Variants in AKAP6 observed in about 807,000 individuals in gnomAD.
AKAP6 encodes A-kinase anchor protein 6.
Under a neutral mutation model 188.5 loss-of-function variants are expected in AKAP6, and 58 were observed. That is an observed-to-expected ratio of 0.31 (90% CI 0.25 to 0.38). AKAP6 has a LOEUF of 0.38. AKAP6 is among the 10% of genes least tolerant of loss of function. The pLI is 1.00. For synonymous variants in AKAP6, 989 were observed against 998.6 expected (o/e 0.99, Z 0.18); for missense variants, 2,710 against 2,740.0 (o/e 0.99, Z 0.24).
intron 7 of AKAP6, among the ~76,000 whole-genome samples, chr14:32,617,385 T>C (rs1435561551): frequency 2.0e-5 from 3 of 152,106 alleles, no homozygotes; most frequent in Non-Finnish European, 4.4e-5. Context: ...TTTTATCAAT[T>C]CCCACAGCAT....
intron 1 of AKAP6, among the ~76,000 whole-genome samples, chr14:32,335,088 C>A (rs1886648506): frequency 6.6e-6 from 1 of 152,116 alleles, no homozygotes; most frequent in African/African-American, 2.4e-5. Flanking sequence ...GTGGTTAGGA[C>A]TGCAGGTGCA....
chr14:32,581,824 T>C (rs1884980938), intron 5 of AKAP6, among the ~76,000 whole-genome samples: 1 of 152,096 alleles, frequency 6.6e-6, no homozygotes, highest in Non-Finnish European at 1.5e-5. Flanking sequence ...AATCCCTGCC[T>C]TTTTTTGTTT....
intron 12 of AKAP6, among the ~76,000 whole-genome samples, chr14:32,787,223 G>C (rs1006927472): frequency 6.6e-6 from 1 of 151,916 alleles, no homozygotes; most frequent in South Asian, 2.1e-4. Flanking sequence ...ATGAAAGAAA[G>C]GGGGGGAACC....
chr14:32,821,962 C>G lies in AKAP6; in HGVS notation c.4149C>G (p.Leu1383=), dbSNP rs764558269. The stretch of plus-strand genomic sequence containing the variant: ...CTACCAACTCTGAAATGTGCTTGCT[C>G]AATGCAGTGGATGGGTCCCCAAGTA... ...ETTTNSEMCL[L]NAVDGSPSNL... The change falls in exon 13 of 14, where the codon CTC becomes CTG. Residue 1383 remains leucine, a synonymous_variant. Transcript: ENST00000280979. 1.2e-5 allele frequency: 19 copies of G among 1,613,824 alleles called. No individual in the cohort carries two copies. The Admixed American group carries it at 1.7e-4, about 14-fold the overall frequency.
chr14:32,333,758 T>C (rs893346586), intron 1 of AKAP6, among the ~76,000 whole-genome samples: 11 of 152,120 alleles, frequency 7.2e-5, no homozygotes, highest in Admixed American at 6.6e-4. Context: ...TTATAATCAG[T>C]CAAATAGTGC....
At chr14:32,442,500 A>G (rs542261826) in intron 2 of AKAP6, 1 of 152,196 alleles carries the variant, frequency 6.6e-6, no homozygotes, top group Admixed American at 6.5e-5. Context: ...GCAGAAGACC[A>G]TCTGGTTGCC....
chr14:32,527,717 CT>C (rs1261735125), intron 2 of AKAP6, among the ~76,000 whole-genome samples: 1 of 152,132 alleles, frequency 6.6e-6, no homozygotes, highest in African/African-American at 2.4e-5. Context: ...ATGGAACCAT[CT>C]TTTCATATTC....
At position 32,821,768 on chromosome 14, in the gene AKAP6, G is replaced by A. The variant is rs1279960916; in HGVS notation, c.3955G>A (p.Val1319Ile). 6.2e-7 allele frequency: 1 copy of A among 1,613,740 alleles called. No homozygotes were observed. Among genetic ancestry groups the A allele is most frequent in the Admixed American group, 1.7e-5 (1 of 59,908 alleles). Reference protein sequence around the residue: ...PKVTGMTQPNVLTKSLSKDSS... With the variant: ...PKVTGMTQPNILTKSLSKDSS... ...GGTCACTGGCATGACACAGCCTAATGTTTTAACTAAGAGTCTCAGTAAAGA... is the reference window on the plus strand; with the variant it reads ...GGTCACTGGCATGACACAGCCTAATATTTTAACTAAGAGTCTCAGTAAAGA... Residue 1319 changes from valine (V) to isoleucine (I), a missense_variant, in exon 13 of 14, where the codon GTT (valine) becomes ATT (isoleucine). Transcript: ENST00000280979.
chr14:32,443,748 G>A (rs576554894), intron 2 of AKAP6, among the ~76,000 whole-genome samples: 3 of 152,170 alleles, frequency 2.0e-5, no homozygotes, highest in South Asian at 2.1e-4. Context: ...GTCAGTATAC[G>A]CAAAGGGAAG....
chr14:32,429,113 C>T (rs769703275), intron 1 of AKAP6, among the ~76,000 whole-genome samples: 37 of 152,132 alleles, frequency 2.4e-4, no homozygotes, highest in Non-Finnish European at 4.0e-4. Context: ...CCTTTCACAC[C>T]GTCTTGGAGC....
Position 32,545,629 on chromosome 14 carries a change from T to G in AKAP6, c.976T>G (p.Ser326Ala), listed in dbSNP as rs148076643. 3.1e-6 allele frequency: 5 copies of G among 1,614,046 alleles called. No individual in the cohort carries two copies. The African/African-American group carries it at 6.7e-5, about 22-fold the overall frequency. Residue 326 changes from serine (S) to alanine (A), a missense_variant, in exon 4 of 14, where the codon TCA becomes GCA. By Grantham distance (99) the Ser-to-Ala change is moderately conservative. Coordinates refer to ENST00000280979, the MANE Select transcript of AKAP6 (RefSeq NM_004274.5). ...GCAACCAGGCTTAACACTGGGGGTGTCATCATCTTCAGGAGAAGCTCTGAC... is the reference window on the plus strand; with the variant it reads ...GCAACCAGGCTTAACACTGGGGGTGGCATCATCTTCAGGAGAAGCTCTGAC... Reference protein sequence around the residue: ...EEQPGLTLGVSSSSGEALTNA... With the variant: ...EEQPGLTLGVASSSGEALTNA...
intron 2 of AKAP6, among the ~76,000 whole-genome samples, chr14:32,457,277 A>C (rs1309567847): frequency 1.3e-5 from 2 of 152,158 alleles, no homozygotes; most frequent in African/African-American, 4.8e-5. Flanking sequence ...ATCAAGTGGG[A>C]AAGGGGGAAA....
intron 5 of AKAP6, among the ~76,000 whole-genome samples, chr14:32,596,517 A>G (rs1370085919): frequency 3.3e-5 from 5 of 152,138 alleles, no homozygotes; most frequent in African/African-American, 4.8e-5. Flanking sequence ...ATCCTTTTCT[A>G]GTCATTCATC....
intron 1 of AKAP6, among the ~76,000 whole-genome samples, chr14:32,335,157 G>A (rs1594512950): frequency 6.6e-6 from 1 of 152,082 alleles, no homozygotes; most frequent in East Asian, 1.9e-4. Flanking sequence ...GCTAATACAT[G>A]AGCTAAACCT....
intron 7 of AKAP6, among the ~76,000 whole-genome samples, chr14:32,676,451 T>C (rs1889430260): frequency 6.6e-6 from 1 of 152,156 alleles, no homozygotes; most frequent in African/African-American, 2.4e-5. Flanking sequence ...GCATACCTCC[T>C]CTTCCACATC....
intron 7 of AKAP6, among the ~76,000 whole-genome samples, chr14:32,657,346 G>A (rs887138701): frequency 2.0e-5 from 3 of 152,088 alleles, no homozygotes; most frequent in African/African-American, 4.8e-5. Flanking sequence ...CGCAACCCTC[G>A]GTAGAGTCAA....
At chr14:32,715,384 G>A (rs1266908582) in intron 9 of AKAP6, among the ~76,000 whole-genome samples, 1 of 151,950 alleles carries the variant, frequency 6.6e-6, no homozygotes. Context: ...GGTGTGCTGT[G>A]GAGAACCAAA....
intron 4 of AKAP6, among the ~76,000 whole-genome samples, chr14:32,563,661 T>A (rs1306878816): frequency 6.6e-6 from 1 of 152,170 alleles, no homozygotes; most frequent in Non-Finnish European, 1.5e-5. Context: ...CTCTTCGCCC[T>A]TCGTGGGACC....
In AKAP6 at chr14:32,525,557, A is replaced by G. The variant is rs1882078916; in HGVS notation, c.325-9997A>G. The stretch of plus-strand genomic sequence containing the variant: ...TTTCTATCATCTCTTCCACGCTTCC[A>G]AATCTGCTCGCTTTTTCAGACCCTC... On this transcript the variant is annotated intron_variant, in intron 2 of 13. Coordinates refer to ENST00000280979, the MANE Select transcript of AKAP6 (RefSeq NM_004274.5). 2.0e-5 allele frequency among the ~76,000 whole-genome samples: 3 copies of G among 152,192 alleles called. No individual in the cohort carries two copies. The South Asian group carries it at 6.2e-4, about 32-fold the overall frequency.
Sources: gnomAD v4.1 joint callset for allele counts (sites outside exome capture counted in the v4.1 genomes callset) on GRCh38, gnomAD v4.1.1 for gene constraint, MANE v1.5 for transcripts, NCBI Gene and HGNC (gene_info 2026-07-23, HGNC 2026-07-21) for gene names.